Variants in AGPAT3 observed in about 807,000 individuals in gnomAD.
AGPAT3 encodes the protein 1-acyl-sn-glycerol-3-phosphate acyltransferase gamma.
In AGPAT3, 5 loss-of-function variants were observed where a neutral mutation model predicts 47.3. The ratio of observed to expected loss-of-function variants is 0.11; its 90% CI spans 0.06 to 0.22. The LOEUF (loss-of-function observed/expected upper bound fraction) is 0.22. Among genes scored for constraint, AGPAT3 ranks in the 10% least tolerant of loss-of-function variants. The pLI is 1.00. For missense variants in AGPAT3, 315 were observed against 493.0 expected (o/e 0.64, Z 3.42); for synonymous variants, 212 against 208.3 (o/e 1.02, Z -0.15).
chr21:43,891,990 T>G (rs1479286706), intron 1 of AGPAT3, among the ~76,000 whole-genome samples: 2 of 152,280 alleles, frequency 1.3e-5, no homozygotes, highest in East Asian at 3.9e-4. Context: ...ATGTATTTCT[T>G]AAATAATAAG....
rs555472266 is a variant in AGPAT3, at chr21:43,961,819, T to C, written c.178+1960T>C. On this transcript the variant is annotated intron_variant, in intron 3 of 9. Transcript: ENST00000291572. ...TGTCTCATATGGGAAATGGCTGGCC[T>C]GTAACCTTGTCTGCACGATCTCCTT... Among the ~76,000 whole-genome samples, 8 of 152,166 alleles carry C rather than the reference T, an allele frequency of 5.3e-5. No homozygotes were observed. In the South Asian group the frequency reaches 1.0e-3, roughly 20 times the overall value.
Position 43,970,821 on chromosome 21 carries a change from G to A in AGPAT3, c.664+15G>A, listed in dbSNP as rs749819994. ...CCGGGGGACAGGTAGGCCCCAGACT[G>A]CCCGAGCCGGGGCCACCGCTATGCT... is the stretch of plus-strand genomic sequence containing the variant. On this transcript the variant is annotated intron_variant, in intron 6 of 9. Transcript: ENST00000291572. The surrounding 1 kb of genome is among the most constrained non-coding windows in gnomAD (Gnocchi z 5.8). 1.4e-5 allele frequency: 21 copies of A among 1,521,078 alleles called. No homozygotes were observed. The highest frequency in any genetic ancestry group is 1.5e-5 in the Non-Finnish European group (17 of 1,130,136). The allele number at this position is 1,521,078 out of a possible 1,614,324, so 94.2% of individuals were successfully genotyped here. A position where few individuals can be genotyped will look rare whatever the true frequency, so the allele number is the denominator to read the frequency against.
In AGPAT3 at chr21:43,930,744, G is replaced by A. The variant is rs976576632; in HGVS notation, c.-49+26725G>A. ...GCTGGCACATTCCCAGGGGGCTGCTGTAGGGCCAGTGTCCCCTCCTGGGGT... is the reference window on the plus strand; with the variant it reads ...GCTGGCACATTCCCAGGGGGCTGCTATAGGGCCAGTGTCCCCTCCTGGGGT... On this transcript the variant is annotated intron_variant, in intron 2 of 9. Coordinates refer to ENST00000291572, the MANE Select transcript of AGPAT3 (RefSeq NM_020132.5). This position sits in a 1 kb window ranked among gnomAD's most constrained non-coding sequence, Gnocchi z 5.0. 6.6e-6 allele frequency among the ~76,000 whole-genome samples: 1 copy of A among 152,196 alleles called. No homozygotes were observed. The highest frequency in any genetic ancestry group is 6.5e-5 in the Admixed American group (1 of 15,290).
At chr21:43,879,444 A>G (rs545337019) in intron 1 of AGPAT3, among the ~76,000 whole-genome samples, 50 of 151,902 alleles carry the variant, frequency 3.3e-4, no homozygotes, top group South Asian at 8.4e-4. Flanking sequence ...GATGCTGTAC[A>G]GTATTTTATT....
At chr21:43,879,219 G>A (rs917616294) in intron 1 of AGPAT3, among the ~76,000 whole-genome samples, 3 of 151,986 alleles carry the variant, frequency 2.0e-5, no homozygotes, top group Non-Finnish European at 4.4e-5. Flanking sequence ...GTGTGGCAGT[G>A]CGTGCCTGTA....
intron 3 of AGPAT3, among the ~76,000 whole-genome samples, chr21:43,963,926 A>G (rs1057022525): frequency 6.6e-6 from 1 of 152,148 alleles, no homozygotes; most frequent in African/African-American, 2.4e-5. Flanking sequence ...AGGTTTTGGT[A>G]AACAAAAAAA....
rs202222588 is a variant in AGPAT3 at position 43,874,850 on chromosome 21, T to TC, written c.-112+9506dup. ...TCAGCCATTATTTTGTTCAATACAG[T>TC]CATTCTGCGGTATCCACTAGGGATT... On this transcript the variant is annotated intron_variant, in intron 1 of 9. Coordinates refer to ENST00000291572, the MANE Select transcript of AGPAT3 (RefSeq NM_020132.5). Among the ~76,000 whole-genome samples the TC allele has an allele frequency of 9.7e-3, 1,478 of 152,330 alleles. 26 individuals carry two copies. The highest frequency in any genetic ancestry group is 0.034 in the African/African-American group (1,410 of 41,562).
chr21:43,932,799 C>T lies in AGPAT3; in HGVS notation c.-48-26835C>T, dbSNP rs1033921799. 2.4e-4 allele frequency among the ~76,000 whole-genome samples: 37 copies of T among 152,312 alleles called. No individual in the cohort carries two copies. The highest frequency in any genetic ancestry group is 7.9e-4 in the African/African-American group (33 of 41,570). ...CCGAGTAGCTGGGATTACAGACGCC[C>T]GCCACCATGCCGGGCTAATTTTGTA... is the stretch of plus-strand genomic sequence containing the variant. On this transcript the variant is annotated intron_variant, in intron 2 of 9. Coordinates refer to ENST00000291572, the MANE Select transcript of AGPAT3 (RefSeq NM_020132.5). This position sits in a 1 kb window ranked among gnomAD's most constrained non-coding sequence, Gnocchi z 5.2.
At chr21:43,870,677 G>A (rs763309836) in intron 1 of AGPAT3, among the ~76,000 whole-genome samples, 8 of 152,144 alleles carry the variant, frequency 5.3e-5, no homozygotes, top group African/African-American at 1.9e-4. Context: ...AGCTGAGATC[G>A]TGCCACTGCA....
Position 43,934,914 on chromosome 21 carries a change from C to T in AGPAT3, c.-48-24720C>T, listed in dbSNP as rs2087385077. On this transcript the variant is annotated intron_variant, in intron 2 of 9. Transcript: ENST00000291572. This position sits in a 1 kb window ranked among gnomAD's most constrained non-coding sequence, Gnocchi z 4.7. Reference sequence around the variant, plus strand: ...CACATGCCACCCATGCCACCCACACCACCTCTGCCCCTCACATGTCACCCA... The same window carrying T: ...CACATGCCACCCATGCCACCCACACTACCTCTGCCCCTCACATGTCACCCA... Among the ~76,000 whole-genome samples, 1 of 151,106 alleles carries T rather than the reference C, an allele frequency of 6.6e-6. No individual in the cohort carries two copies. The highest frequency in any genetic ancestry group is 1.5e-5 in the Non-Finnish European group (1 of 67,760).
intron 2 of AGPAT3, chr21:43,947,128 C>G (rs1223901818): frequency 6.6e-6 from 1 of 152,406 alleles, no homozygotes; most frequent in Non-Finnish European, 1.5e-5. Context: ...CCACCAGCAC[C>G]CTCATCCTCC....
rs371547432 is a variant in AGPAT3 at position 43,953,165 on chromosome 21, C to T, written c.-48-6469C>T. Among the ~76,000 whole-genome samples, 27 of 152,322 alleles carry T rather than the reference C, an allele frequency of 1.8e-4. No homozygotes were observed. In the East Asian group the frequency reaches 4.2e-3, roughly 24 times the overall value. On this transcript the variant is annotated intron_variant, in intron 2 of 9. Transcript: ENST00000291572. ...GAGAGCTGCCTTAGCCGCTTCAACACCATCAGGCCAGAGTAGGCGGGGAGC... is the reference window on the plus strand; with the variant it reads ...GAGAGCTGCCTTAGCCGCTTCAACATCATCAGGCCAGAGTAGGCGGGGAGC...
intron 1 of AGPAT3, among the ~76,000 whole-genome samples, chr21:43,890,938 A>G (rs940579124): frequency 6.6e-6 from 1 of 152,034 alleles, no homozygotes; most frequent in African/African-American, 2.4e-5. Flanking sequence ...GGGTTTTGCC[A>G]TGTTGGACAG....
chr21:43,871,342 G>A (rs1257895722), intron 1 of AGPAT3, among the ~76,000 whole-genome samples: 1 of 152,182 alleles, frequency 6.6e-6, no homozygotes, highest in Non-Finnish European at 1.5e-5. Flanking sequence ...GGTACTAAGA[G>A]AATAAGCATC....
rs568292906 is a variant in AGPAT3, at chr21:43,940,814, C to T, written c.-48-18820C>T. On this transcript the variant is annotated intron_variant, in intron 2 of 9. Transcript: ENST00000291572. ...GGTTTATGGTGATCGCAGGCGATTTCCCAGCTGCCCTTGACCAGAGTCCGT... is the reference window on the plus strand; with the variant it reads ...GGTTTATGGTGATCGCAGGCGATTTTCCAGCTGCCCTTGACCAGAGTCCGT... 2.0e-5 allele frequency among the ~76,000 whole-genome samples: 3 copies of T among 152,372 alleles called. No individual in the cohort carries two copies. The East Asian group carries it at 5.8e-4, about 29-fold the overall frequency.
At chr21:43,909,389 G>T (rs566883928) in intron 2 of AGPAT3, among the ~76,000 whole-genome samples, 1 of 151,258 alleles carries the variant, frequency 6.6e-6, no homozygotes, top group Non-Finnish European at 1.5e-5. Flanking sequence ...TCCGTCTCCC[G>T]GGTTCACGCC....
rs1037874621 is a variant in AGPAT3 at position 43,930,193 on chromosome 21, C to T, written c.-49+26174C>T. ...TAAGGCAGAGAGAAGTTGGGTTCCC[C>T]TTCCACGGTTCCCTGCCCCCGGGGA... On this transcript the variant is annotated intron_variant, in intron 2 of 9. Coordinates refer to ENST00000291572, the MANE Select transcript of AGPAT3 (RefSeq NM_020132.5). The surrounding 1 kb of genome is among the most constrained non-coding windows in gnomAD (Gnocchi z 5.0). 6.6e-6 allele frequency among the ~76,000 whole-genome samples: 1 copy of T among 152,222 alleles called. No homozygotes were observed. The highest frequency in any genetic ancestry group is 1.5e-5 in the Non-Finnish European group (1 of 68,026).
At chr21:43,977,253 A>G (rs2089652292) in intron 7 of AGPAT3, among the ~76,000 whole-genome samples, 1 of 152,250 alleles carries the variant, frequency 6.6e-6, no homozygotes, top group Non-Finnish European at 1.5e-5. Context: ...GAAAATGCCT[A>G]CATTTTTAAT....
chr21:43,938,823 G>T (rs1335480149), intron 2 of AGPAT3, among the ~76,000 whole-genome samples: 2 of 152,160 alleles, frequency 1.3e-5, no homozygotes, highest in East Asian at 3.9e-4. Context: ...GGCGATTCTG[G>T]GTGTCACGTG....
Sources: allele counts gnomAD v4.1 joint callset (sites outside exome capture counted in the v4.1 genomes callset), GRCh38; gene constraint gnomAD v4.1.1; non-coding constraint Gnocchi (gnomAD v3.1); transcripts MANE v1.5; gene names NCBI Gene and HGNC (gene_info 2026-07-23, HGNC 2026-07-21).